TCOF1: variants seen among roughly 807,000 people sequenced by gnomAD.
TCOF1 encodes the protein treacle protein.
A neutral mutation model predicts 149.0 loss-of-function variants in TCOF1; 33 were observed. The observed-to-expected ratio is 0.22, with a 90% CI of 0.17 to 0.30. The LOEUF (loss-of-function observed/expected upper bound fraction) is 0.30. Ranked by LOEUF, TCOF1 falls within the 10% of genes least tolerant of loss-of-function variation. TCOF1 has a pLI of 1.00. For missense variants in TCOF1, 1,728 were observed against 1,840.7 expected, an observed-to-expected ratio of 0.94 and a Z score of 1.12; for synonymous variants, 789 against 738.8, an observed-to-expected ratio of 1.07 and a Z score of -1.10.
intron 19 of TCOF1, 132 bp downstream of exon 19, chr5:150,390,155 C>A: frequency 2.1e-6 from 3 of 1,420,892 alleles, no homozygotes; most frequent in Non-Finnish European, 2.9e-6. Flanking sequence ...GGCCTCACAG[C>A]CAGAGGCTTT....
intron 6 of TCOF1, among the ~76,000 whole-genome samples, chr5:150,370,994 T>C (rs1489313526): frequency 1.3e-5 from 2 of 152,140 alleles, no homozygotes; most frequent in Admixed American, 6.5e-5. Context: ...ATAAGATTGC[T>C]GGCTGCAGCC....
At chr5:150,398,885 G>C in intron 25 of TCOF1, 137 bp from the exon 26 acceptor site, 1 of 1,206,900 alleles carries the variant, frequency 8.3e-7, no homozygotes. Flanking sequence ...CTGAACATCT[G>C]TTTGCCTCTG....
At chr5:150,391,800 G>C in intron 20 of TCOF1, 143 bp downstream of exon 20, 1 of 1,166,352 alleles carries the variant, frequency 8.6e-7, no homozygotes, top group Non-Finnish European at 1.3e-6. Context: ...TAATCTGTAA[G>C]AAGGAATTAC....
At position 150,393,481 on chromosome 5, in the gene TCOF1, C is replaced by T. The variant is rs767560739; in HGVS notation, c.3713C>T (p.Ala1238Val). 2.5e-6 allele frequency: 4 copies of T among 1,614,168 alleles called. No homozygotes were observed. Among genetic ancestry groups the T allele is most frequent in the Middle Eastern group, 1.6e-4 (1 of 6,062 alleles). The stretch of plus-strand genomic sequence containing the variant: ...CCCTCAGTTTCCTCTACTCTGGCCG[C>T]CAAAGATGACCCAGATGGCAAGCAG... ...SSPSVSSTLA[A>V]KDDPDGKQEA... Residue 1238 changes from alanine to valine, a missense_variant, in exon 23 of 27, where the codon GCC (alanine) becomes GTC (valine). Ala to Val is a moderately conservative substitution (Grantham distance 64, BLOSUM62 0). Around this residue, in one of 2 missense-constraint regions of TCOF1, gnomAD observed 1,696 missense variants for 1,765.4 expected, o/e 0.96. Coordinates refer to ENST00000643257, the MANE Select transcript of TCOF1 (RefSeq NM_001371623.1).
chr5:150,384,896 G>A (rs1765963058), intron 17 of TCOF1: 1 of 985,268 alleles, frequency 1.0e-6, no homozygotes, highest in Admixed American at 6.1e-5. Flanking sequence ...CCATCAGTGG[G>A]GAAAGGGATT....
intron 1 of TCOF1, among the ~76,000 whole-genome samples, 196 bp downstream of exon 1, chr5:150,358,050 C>T (rs766106036): frequency 2.9e-4 from 44 of 152,250 alleles, no homozygotes; most frequent in Non-Finnish European, 5.3e-4. Context: ...CTGGGCCTCA[C>T]TTTCCTCATC....
In TCOF1 at chr5:150,374,818, CAG is replaced by C; in HGVS notation, c.1278+10_1278+11del. The C allele has an allele frequency of 6.2e-7, 1 of 1,605,466 alleles. No homozygotes were observed. The stretch of plus-strand genomic sequence containing the variant: ...GGAGGAGGCGCCTGCTCAGGTGAGG[CAG>C]AGGGGAGGGGTGGAGAGTAGCCCCA... On this transcript the variant is annotated splice_region_variant and intron_variant, in intron 9 of 26. Transcript: ENST00000643257.
At chr5:150,384,022 A>G (rs1295407051) in intron 17 of TCOF1, 1 of 1,372,884 alleles carries the variant, frequency 7.3e-7, no homozygotes, top group African/African-American at 1.5e-5. Context: ...TCTGCCAGGC[A>G]CCTCAGAGCA....
chr5:150,367,101 C>T (rs1043428033), intron 3 of TCOF1, among the ~76,000 whole-genome samples: 9 of 151,898 alleles, frequency 5.9e-5, no homozygotes, highest in African/African-American at 2.2e-4. Context: ...GTCAGGAGAT[C>T]AAGACCATCC....
At chr5:150,397,449 C>G (rs969262136) in intron 24 of TCOF1, among the ~76,000 whole-genome samples, 3 of 151,660 alleles carry the variant, frequency 2.0e-5, no homozygotes, top group Non-Finnish European at 4.4e-5. Flanking sequence ...TAACACTGGC[C>G]CTTTACTGAG....
Position 150,374,184 on chromosome 5 carries a change from C to G in TCOF1, c.881C>G (p.Ser294Cys). 1 of 1,612,052 alleles carries G rather than the reference C, an allele frequency of 6.2e-7. No individual in the cohort carries two copies. The highest frequency in any genetic ancestry group is 1.1e-5 in the South Asian group (1 of 90,784). Residue 294 changes from serine to cysteine, a missense_variant, in exon 8 of 27, where the codon TCT becomes TGT. Around this residue, in one of 2 missense-constraint regions of TCOF1, gnomAD observed 1,696 missense variants for 1,765.4 expected, o/e 0.96. Transcript: ENST00000643257. Reference sequence around the variant, plus strand: ...TTTCTTTTTCACCAGGTAAAGGCCTCTGAAAAAATTCTCCAGGTCAGAGCT... The same window carrying G: ...TTTCTTTTTCACCAGGTAAAGGCCTGTGAAAAAATTCTCCAGGTCAGAGCT... ...PAGTRSQVKA[S>C]EKILQVRAAS...
intron 3 of TCOF1, among the ~76,000 whole-genome samples, chr5:150,367,111 C>T (rs1030482411): frequency 6.6e-6 from 1 of 151,912 alleles, no homozygotes; most frequent in Non-Finnish European, 1.5e-5. Context: ...CAAGACCATC[C>T]TAGCTAACAC....
intron 17 of TCOF1, chr5:150,384,134 C>T: frequency 4.5e-6 from 5 of 1,117,640 alleles, no homozygotes; most frequent in Non-Finnish European, 4.4e-6. Flanking sequence ...TCACATACCA[C>T]ATTGTTATCA....
In TCOF1 at chr5:150,389,345, C is replaced by T. The variant is rs147980113; in HGVS notation, c.3047-542C>T. Among the ~76,000 whole-genome samples, 64 of 152,184 alleles carry T rather than the reference C, an allele frequency of 4.2e-4. No individual in the cohort carries two copies. The East Asian group carries it at 0.011, about 27-fold the overall frequency. On this transcript the variant is annotated intron_variant, in intron 18 of 26. Transcript: ENST00000643257. ...ATATTTTATGACATCGGGTTTTTTT[C>T]ATCTTTACATATTTGCAGCACAATT...
chr5:150,379,140 G>T, intron 15 of TCOF1, 89 bp from the exon 16 acceptor site: 1 of 1,613,834 alleles, frequency 6.2e-7, no homozygotes, highest in African/African-American at 1.3e-5. Context: ...GCATGGGCAG[G>T]CCACCCACCC....
At chr5:150,369,024 GTTCC>G in intron 5 of TCOF1, 122 bp downstream of exon 5, 1 of 1,298,668 alleles carries the variant, frequency 7.7e-7, no homozygotes, top group Non-Finnish European at 1.1e-6. Context: ...GGACAGCCAG[GTTCC>G]TGCATCTTAG....
intron 19 of TCOF1, 69 bp from the exon 20 acceptor site, chr5:150,391,475 G>A: frequency 7.2e-7 from 1 of 1,384,294 alleles, no homozygotes; most frequent in Non-Finnish European, 1.0e-6. Context: ...GACAGCATCT[G>A]ACCAGGGTGT....
rs1205142895 is a variant in TCOF1 at position 150,376,530 on chromosome 5, A to G, written c.2250A>G (p.Thr750=). 2 of 1,611,202 alleles carry G rather than the reference A, an allele frequency of 1.2e-6. No individual in the cohort carries two copies. The highest frequency in any genetic ancestry group is 1.7e-6 in the Non-Finnish European group (2 of 1,178,610). The change falls in exon 14 of 27, where the codon ACA becomes ACG. Residue 750 remains threonine (T), a synonymous_variant. Transcript: ENST00000643257. ...TACTCCCTGGGAAGACGGGGCCTAC[A>G]GTCACCCAGGTGAAAGCTGAAAAGC... ...APVLPGKTGP[T]VTQVKAEKQE...
rs775407286 is a variant in TCOF1 at position 150,379,606 on chromosome 5, T to C, written c.2733T>C (p.Ala911=). The C allele has an allele frequency of 1.9e-6, 3 of 1,613,916 alleles. No individual in the cohort carries two copies. The East Asian group carries it at 6.7e-5, about 36-fold the overall frequency. The part of the protein sequence containing the change: ...APAKESPRKG[A]APTPPGKTGP... ...CCAAGGAGTCCCCCAGGAAAGGGGC[T>C]GCCCCAACACCTCCTGGGAAGACAG... The change falls in exon 17 of 27, where the codon GCT becomes GCC. Residue 911 remains alanine, a synonymous_variant. Coordinates refer to ENST00000643257, the MANE Select transcript of TCOF1 (RefSeq NM_001371623.1).
Sources: allele counts gnomAD v4.1 joint callset (sites outside exome capture counted in the v4.1 genomes callset), GRCh38; gene constraint gnomAD v4.1.1; regional missense constraint gnomAD v4.1.1; transcripts MANE v1.5; gene names NCBI Gene and HGNC (gene_info 2026-07-23, HGNC 2026-07-21).